The following MTNAP1 variants were observed in gnomAD, a reference collection of about 807,000 sequenced individuals.
MTNAP1 encodes the protein mitochondrial nucleoid-associated protein 1.
chr17:73,247,226 A>G, the MTNAP1 span: 2 of 1,609,700 alleles, frequency 1.2e-6, no homozygotes, highest in South Asian at 2.2e-5. Context: ...AATATTTACT[A>G]TCTGGCCTTT....
chr17:73,243,093 T>TTTTG, the MTNAP1 span: 280 of 991,286 alleles, frequency 2.8e-4, 3 homozygotes, highest in African/African-American at 3.3e-3. Context: ...TTTTTTTTTT[T>TTTTG]TTTTTTTTAC....
At chr17:73,245,364 G>A in the MTNAP1 span, 49 of 1,350,332 alleles carry the variant, frequency 3.6e-5, no homozygotes, top group Middle Eastern at 2.0e-4. Context: ...GGAAGTAAAC[G>A]TATTATTAAT....
At chr17:73,243,610 CCT>C in the MTNAP1 span, among the ~76,000 whole-genome samples, 1 of 150,662 alleles carries the variant, frequency 6.6e-6, no homozygotes, top group African/African-American at 2.4e-5. Flanking sequence ...CTCACTGTAA[CCT>C]CTGCCTCCTA....
the MTNAP1 span, chr17:73,237,114 A>C: frequency 9.5e-7 from 1 of 1,049,482 alleles, no homozygotes; most frequent in Non-Finnish European, 1.3e-6. Flanking sequence ...TCACCTAGGC[A>C]TGCCAGTAGA....
chr17:73,242,255 G>A, the MTNAP1 span: 1 of 1,586,394 alleles, frequency 6.3e-7, no homozygotes, highest in Non-Finnish European at 8.6e-7. Flanking sequence ...TTCTTTGTTG[G>A]AACGAAGCTC....
chr17:73,242,660 G>T, the MTNAP1 span, among the ~76,000 whole-genome samples: 1 of 152,166 alleles, frequency 6.6e-6, no homozygotes, highest in Non-Finnish European at 1.5e-5. Context: ...TTAACCAGTT[G>T]TATTAGCCTC....
the MTNAP1 span, chr17:73,236,646 A>G: frequency 6.2e-7 from 1 of 1,614,230 alleles, no homozygotes; most frequent in Middle Eastern, 1.6e-4. Flanking sequence ...AAGAAAAGAA[A>G]GCAGAAGCCC....
the MTNAP1 span, among the ~76,000 whole-genome samples, chr17:73,233,653 C>G: frequency 6.6e-6 from 1 of 152,214 alleles, no homozygotes; most frequent in African/African-American, 2.4e-5. Context: ...CACCTGAGGT[C>G]AGGAGTTCAA....
chr17:73,236,709 A>G, the MTNAP1 span: 3 of 1,614,206 alleles, frequency 1.9e-6, no homozygotes, highest in Non-Finnish European at 2.5e-6. Flanking sequence ...GTCCCGAGGG[A>G]CAGTTATCTC....
chr17:73,243,093 T>TTTTGTTTTTTTTTTTTG, the MTNAP1 span: 17 of 991,310 alleles, frequency 1.7e-5, no homozygotes, highest in African/African-American at 2.7e-4. Context: ...TTTTTTTTTT[T>TTTTGTTTTTTTTTTTTG]TTTTTTTTAC....
At chr17:73,242,690 C>G in the MTNAP1 span, among the ~76,000 whole-genome samples, 3 of 152,176 alleles carry the variant, frequency 2.0e-5, no homozygotes, top group Non-Finnish European at 4.4e-5. Flanking sequence ...AAGATTTTAA[C>G]CAAGCACCCA....
chr17:73,239,952 A>T, the MTNAP1 span, among the ~76,000 whole-genome samples: 3 of 152,240 alleles, frequency 2.0e-5, no homozygotes, highest in Admixed American at 6.5e-5. Flanking sequence ...AAGACCACAG[A>T]TAGAAGAGTC....
chr17:73,237,073 A>C, the MTNAP1 span: 1 of 1,324,708 alleles, frequency 7.5e-7, no homozygotes, highest in Non-Finnish European at 1.0e-6. Context: ...AAGGGTCAAA[A>C]TACTAACATT....
At chr17:73,240,703 A>C in the MTNAP1 span, among the ~76,000 whole-genome samples, 1 of 152,220 alleles carries the variant, frequency 6.6e-6, no homozygotes, top group Non-Finnish European at 1.5e-5. Context: ...AGGGCCAGTG[A>C]GCTAACAGTT....
At chr17:73,236,216 T>C in the MTNAP1 span, 1 of 1,614,114 alleles carries the variant, frequency 6.2e-7, no homozygotes, top group East Asian at 2.2e-5. Context: ...GTAAGAACAT[T>C]ATTAAGCAAT....
At chr17:73,247,438 T>C in the MTNAP1 span, 60 of 1,235,676 alleles carry the variant, frequency 4.9e-5, no homozygotes, top group Non-Finnish European at 6.6e-5. Flanking sequence ...CTAAGTGTAG[T>C]GGTAGCATTA....
At chr17:73,248,405 C>T in the MTNAP1 span, 2 of 1,211,436 alleles carry the variant, frequency 1.7e-6, no homozygotes, top group Admixed American at 4.1e-5. Context: ...AGTTTTGTCT[C>T]TTAAAATCAT....
the MTNAP1 span, chr17:73,235,976 A>C: frequency 6.2e-7 from 1 of 1,614,240 alleles, no homozygotes; most frequent in Non-Finnish European, 8.5e-7. Context: ...AGTCGATGTA[A>C]TCCTTCAGAA....
the MTNAP1 span, chr17:73,247,365 C>A: frequency 2.7e-5 from 43 of 1,611,418 alleles, no homozygotes; most frequent in Middle Eastern, 3.3e-4. Flanking sequence ...GTAGGAGAAG[C>A]CTTCGTGACT....
Sources: allele counts gnomAD v4.1 joint callset (sites outside exome capture counted in the v4.1 genomes callset), GRCh38; gene constraint gnomAD v4.1.1; transcripts MANE v1.5; gene names NCBI Gene and HGNC (gene_info 2026-07-23, HGNC 2026-07-21).